The following CCDC7 variants were observed in gnomAD, a reference collection of about 807,000 sequenced individuals.
CCDC7 encodes coiled-coil domain-containing protein 7.
A neutral mutation model predicts 196.9 loss-of-function variants in CCDC7; 183 were observed. That is an observed-to-expected ratio of 0.93 (90% CI 0.82 to 1.05). The LOEUF (loss-of-function observed/expected upper bound fraction) is 1.05, where lower values mean the gene tolerates loss of function less well. Ranked by LOEUF, CCDC7 falls within the 50% of genes least tolerant of loss-of-function variation. CCDC7 has a pLI of 0.00. For missense variants in CCDC7, 1,540 were observed against 1,482.2 expected (o/e 1.04, Z -0.64); for synonymous variants, 525 against 484.6 (o/e 1.08, Z -1.10).
At chr10:32,816,058 G>A (rs2088423739) in intron 31 of CCDC7, among the ~76,000 whole-genome samples, 2 of 151,848 alleles carry the variant, frequency 1.3e-5, no homozygotes, top group Non-Finnish European at 2.9e-5. Flanking sequence ...CCCGGGAAGT[G>A]CAAGGGATCA....
intron 20 of CCDC7, among the ~76,000 whole-genome samples, chr10:32,652,760 G>A (rs1199278925): frequency 6.6e-6 from 1 of 151,918 alleles, no homozygotes; most frequent in Non-Finnish European, 1.5e-5. Flanking sequence ...ACTGCCTAAT[G>A]CATAATAAAT....
intron 25 of CCDC7, among the ~76,000 whole-genome samples, chr10:32,720,350 C>T (rs1443061482): frequency 2.6e-5 from 4 of 151,912 alleles, no homozygotes; most frequent in Non-Finnish European, 5.9e-5. Flanking sequence ...CATGTTCTCT[C>T]TCATAAGTGG....
chr10:32,701,356 A>T (rs1353077796), intron 24 of CCDC7, among the ~76,000 whole-genome samples: 1 of 152,218 alleles, frequency 6.6e-6, no homozygotes, highest in Non-Finnish European at 1.5e-5. Context: ...CTTGCATCCC[A>T]GGGATGAAGC....
chr10:32,591,504 TTTTGTTTG>T (rs150514460), intron 18 of CCDC7, among the ~76,000 whole-genome samples: 3 of 152,046 alleles, frequency 2.0e-5, no homozygotes, highest in Non-Finnish European at 2.9e-5. Context: ...TTGCTTGTTT[TTTTGTTTG>T]TTTGTTTGTG....
At chr10:32,674,603 G>A (rs1446511544) in intron 21 of CCDC7, among the ~76,000 whole-genome samples, 2 of 151,914 alleles carry the variant, frequency 1.3e-5, no homozygotes, top group Non-Finnish European at 2.9e-5. Context: ...AGGTCCATTT[G>A]GTCTACAGTG....
chr10:32,752,099 A>C (rs558540847), intron 28 of CCDC7, among the ~76,000 whole-genome samples: 1 of 152,208 alleles, frequency 6.6e-6, no homozygotes, highest in Non-Finnish European at 1.5e-5. Flanking sequence ...CAGAGGCAAT[A>C]TCCATATTAT....
chr10:32,753,071 A>G (rs2075901128), intron 28 of CCDC7, among the ~76,000 whole-genome samples: 1 of 152,144 alleles, frequency 6.6e-6, no homozygotes, highest in Non-Finnish European at 1.5e-5. Flanking sequence ...AATATGTTTT[A>G]CGTTTTTAGA....
intron 25 of CCDC7, among the ~76,000 whole-genome samples, chr10:32,713,922 T>C (rs918803619): frequency 6.6e-6 from 1 of 152,226 alleles, no homozygotes; most frequent in African/African-American, 2.4e-5. Context: ...ACCAGCAGAA[T>C]TGAAATAACT....
chr10:32,563,769 G>A (rs1350543402), intron 13 of CCDC7, among the ~76,000 whole-genome samples: 4 of 152,112 alleles, frequency 2.6e-5, no homozygotes, highest in Non-Finnish European at 5.9e-5. Flanking sequence ...AACACCAAAA[G>A]CAATGGCAAC....
intron 13 of CCDC7, among the ~76,000 whole-genome samples, 199 bp from the exon 15 acceptor site, chr10:32,565,359 T>G (rs1463683478): frequency 6.6e-6 from 1 of 152,216 alleles, no homozygotes; most frequent in African/African-American, 2.4e-5. Context: ...CGATTCATGC[T>G]CAATTTGCCT....
chr10:32,742,564 A>G (rs1340226877), intron 28 of CCDC7, among the ~76,000 whole-genome samples: 1 of 152,138 alleles, frequency 6.6e-6, no homozygotes, highest in East Asian at 1.9e-4. Context: ...TGCTTTTTTC[A>G]GAATGTCTAA....
intron 18 of CCDC7, among the ~76,000 whole-genome samples, chr10:32,630,638 C>T (rs770840557): frequency 2.6e-5 from 4 of 152,088 alleles, no homozygotes; most frequent in South Asian, 2.1e-4. Flanking sequence ...AAAGGAACTT[C>T]GAACTTAATC....
chr10:32,644,993 T>C (rs186261560), intron 20 of CCDC7, among the ~76,000 whole-genome samples: 1 of 152,222 alleles, frequency 6.6e-6, no homozygotes, highest in African/African-American at 2.4e-5. Flanking sequence ...TTATTAGCAA[T>C]GTGGAACCAG....
intron 18 of CCDC7, among the ~76,000 whole-genome samples, chr10:32,622,474 G>T (rs73257438): frequency 0.053 from 8,038 of 151,880 alleles, 705 homozygotes; most frequent in African/African-American, 0.18. Context: ...AAGAATAACT[G>T]CAGTGATAGT....
chr10:32,601,736 T>C (rs1406626099), intron 18 of CCDC7, among the ~76,000 whole-genome samples: 1 of 151,866 alleles, frequency 6.6e-6, no homozygotes, highest in African/African-American at 2.4e-5. Flanking sequence ...CAATCAGCAC[T>C]TTGTAAAAAC....
upstream of CCDC7, among the ~76,000 whole-genome samples, chr10:32,449,903 A>G (rs2032558688): frequency 6.6e-6 from 1 of 152,216 alleles, no homozygotes; most frequent in South Asian, 2.1e-4. Flanking sequence ...ACATTTATTT[A>G]GCGTCTGGGC....
At chr10:32,834,668 T>TC in intron 32 of CCDC7, 147 bp from the exon 34 acceptor site, 1 of 351,864 alleles carries the variant, frequency 2.8e-6, no homozygotes, top group Non-Finnish European at 5.2e-6. Flanking sequence ...TGCTTTTTTT[T>TC]TTTTACTAAT....
intron 18 of CCDC7, among the ~76,000 whole-genome samples, chr10:32,625,766 C>A (rs2139663): frequency 0.14 from 20,979 of 152,066 alleles, 1,750 homozygotes; most frequent in East Asian, 0.25. Flanking sequence ...CCATTCTGCT[C>A]TCTGCTTCTA....
intron 28 of CCDC7, among the ~76,000 whole-genome samples, chr10:32,767,968 G>A (rs1468410715): frequency 6.6e-6 from 1 of 151,926 alleles, no homozygotes; most frequent in East Asian, 1.9e-4. Context: ...AAATTCAATG[G>A]ACATATACAA....
Sources: gnomAD v4.1 joint callset for allele counts (sites outside exome capture counted in the v4.1 genomes callset) on GRCh38, gnomAD v4.1.1 for gene constraint, MANE v1.5 for transcripts, NCBI Gene and HGNC (gene_info 2026-07-23, HGNC 2026-07-21) for gene names.